NOXA1: variants seen among roughly 807,000 people sequenced by gnomAD.
NOXA1 encodes NCF2-like protein.
In NOXA1, 56 loss-of-function variants were observed where a neutral mutation model predicts 64.8. That is an observed-to-expected ratio of 0.86 (90% CI 0.70 to 1.08). NOXA1 has a LOEUF of 1.08. Among genes scored for constraint, NOXA1 ranks in the 50% least tolerant of loss-of-function variants. The pLI, the probability that NOXA1 is intolerant of heterozygous loss-of-function variation, is 0.00. For missense variants in NOXA1, 668 were observed against 658.5 expected (o/e 1.01, Z -0.16); for synonymous variants, 295 against 294.8 (o/e 1.00, Z -0.01).
In NOXA1 at chr9:137,427,920, G is replaced by A. The variant is rs893526989; in HGVS notation, c.261-113G>A. ...CTAGGCACCGCACTGCCCTCCCTCA[G>A]GTCTCCTTGGAACCAGGTGTTGGGG... On this transcript the variant is annotated intron_variant, in intron 2 of 13. Coordinates refer to ENST00000683555, the MANE Select transcript of NOXA1 (RefSeq NM_001256067.2). 5.8e-6 allele frequency: 4 copies of A among 692,990 alleles called. No individual in the cohort carries two copies. The East Asian group carries it at 8.2e-5, about 14-fold the overall frequency. 42.9% of individuals were successfully genotyped at this position (692,990 alleles called of 1,614,324 possible). A position where few individuals can be genotyped will look rare whatever the true frequency, so the allele number is the denominator to read the frequency against.
At chr9:137,432,933 C>T in intron 8 of NOXA1, 96 bp from the exon 9 acceptor site, 1 of 1,362,812 alleles carries the variant, frequency 7.3e-7, no homozygotes, top group Non-Finnish European at 1.0e-6. Flanking sequence ...GCTGGCCGGG[C>T]ACACAGGCCA....
chr9:137,432,136 C>T (rs888581425), intron 8 of NOXA1, among the ~76,000 whole-genome samples: 10 of 152,040 alleles, frequency 6.6e-5, no homozygotes, highest in South Asian at 2.1e-4. Context: ...AAGTTACAAT[C>T]GAGGCCGGGC....
At chr9:137,424,133 C>T (rs1007170103) in intron 1 of NOXA1, among the ~76,000 whole-genome samples, 3 of 152,136 alleles carry the variant, frequency 2.0e-5, no homozygotes, top group African/African-American at 4.8e-5. Context: ...GCACGGAGCC[C>T]GGTGCCCTTC....
chr9:137,427,688 C>T (rs373658288), intron 2 of NOXA1, among the ~76,000 whole-genome samples: 3 of 152,182 alleles, frequency 2.0e-5, no homozygotes, highest in African/African-American at 7.2e-5. Context: ...GGAGGGGGAG[C>T]CCCCATGGGG....
chr9:137,424,933 T>C (rs1838784814), intron 1 of NOXA1, among the ~76,000 whole-genome samples: 1 of 152,130 alleles, frequency 6.6e-6, no homozygotes, highest in South Asian at 2.1e-4. Flanking sequence ...ATATGGGAAC[T>C]TAGGAAAGCA....
intron 11 of NOXA1, 29 bp from the exon 12 acceptor site, chr9:137,433,707 CAGGCCCCACCCAGG>C (rs2131896826): frequency 6.8e-7 from 1 of 1,479,822 alleles, no homozygotes; most frequent in South Asian, 1.3e-5. Flanking sequence ...GCCCTCCCTG[CAGGCCCCACCCAGG>C]AGGCCCCCTC....
intron 13 of NOXA1, 44 bp downstream of exon 13, chr9:137,434,123 G>A (rs771095936): frequency 1.9e-6 from 3 of 1,582,284 alleles, no homozygotes; most frequent in Non-Finnish European, 1.7e-6. Flanking sequence ...GTGGTGCCCG[G>A]GGTGTGGGGG....
chr9:137,425,027 G>A (rs1233539354), intron 1 of NOXA1, among the ~76,000 whole-genome samples: 1 of 152,254 alleles, frequency 6.6e-6, no homozygotes, highest in East Asian at 1.9e-4. Flanking sequence ...GCTGTCTCTT[G>A]TTAGGAGCCT....
Position 137,427,968 on chromosome 9 carries a change from G to A in NOXA1, c.261-65G>A, listed in dbSNP as rs1838910100. ...GGGGCGGCTCGAGCGGGGCTGGTGT[G>A]AAAGCTGCCTAACCACAGCCCCATC... On this transcript the variant is annotated intron_variant, in intron 2 of 13. Transcript: ENST00000683555. 3 of 1,180,334 alleles carry A rather than the reference G, an allele frequency of 2.5e-6. No homozygotes were observed. In the African/African-American group the frequency reaches 4.5e-5, roughly 18 times the overall value. 73.1% of individuals were successfully genotyped at this position (1,180,334 alleles called of 1,614,324 possible).
rs1385450149 is a variant in NOXA1 at position 137,433,784 on chromosome 9, C to T, written c.1099C>T (p.Pro367Ser). 3.4e-6 allele frequency: 5 copies of T among 1,454,838 alleles called. No individual in the cohort carries two copies. Among genetic ancestry groups the T allele is most frequent in the Non-Finnish European group, 4.5e-6 (5 of 1,100,190 alleles). The allele number at this position is 1,454,838 out of a possible 1,614,324, so 90.1% of individuals were successfully genotyped here. A position where few individuals can be genotyped will look rare whatever the true frequency, so the allele number is the denominator to read the frequency against. ...LAPGEDGHWV[P>S]IPEEESLQRA... is the part of the protein sequence containing the mutation. Reference sequence around the variant, plus strand: ...CCCAGGTGAGGACGGGCACTGGGTCCCCATCCCCGAGGAGGAGTCGCTGCA... The same window carrying T: ...CCCAGGTGAGGACGGGCACTGGGTCTCCATCCCCGAGGAGGAGTCGCTGCA... The change falls in exon 12 of 14, where the codon CCC (proline) becomes TCC (serine). Residue 367 changes from proline (P) to serine (S), a missense_variant. Physicochemically the swap from Pro to Ser is moderately conservative, Grantham distance 74. Coordinates refer to ENST00000683555, the MANE Select transcript of NOXA1 (RefSeq NM_001256067.2).
At position 137,431,458 on chromosome 9, in the gene NOXA1, A is replaced by C. The variant is rs1839107518; in HGVS notation, c.804+117A>C. 2 of 836,780 alleles carry C rather than the reference A, an allele frequency of 2.4e-6. No homozygotes were observed. Among genetic ancestry groups the C allele is most frequent in the East Asian group, 2.7e-5 (1 of 37,426 alleles). The allele number at this position is 836,780 out of a possible 1,614,324, so 51.8% of individuals were successfully genotyped here. On this transcript the variant is annotated intron_variant, in intron 8 of 13. Transcript: ENST00000683555. The surrounding 1 kb of genome is among the most constrained non-coding windows in gnomAD (Gnocchi z 5.6). ...GAGGGAGCAGCTCGCTGGGGGGTAG[A>C]CGGGGCCGGGCTCACCCGTGGTCCT...
intron 3 of NOXA1, among the ~76,000 whole-genome samples, chr9:137,428,664 G>A (rs991874544): frequency 2.7e-5 from 4 of 148,350 alleles, no homozygotes; most frequent in South Asian, 2.2e-4. Flanking sequence ...GGGAGGGGCC[G>A]GGTGGGGGGA....
At position 137,431,057 on chromosome 9, in the gene NOXA1, G is replaced by A; in HGVS notation, c.673-18G>A. 1 of 1,613,294 alleles carries A rather than the reference G, an allele frequency of 6.2e-7. No homozygotes were observed. Among genetic ancestry groups the A allele is most frequent in the South Asian group, 1.1e-5 (1 of 91,090 alleles). ...CCCGACCCTTAACCAGAGCGAGGTT[G>A]TTGCTTTGTGTCCACAGGGACCAGG... On this transcript the variant is annotated intron_variant, in intron 6 of 13. Coordinates refer to ENST00000683555, the MANE Select transcript of NOXA1 (RefSeq NM_001256067.2). This position sits in a 1 kb window ranked among gnomAD's most constrained non-coding sequence, Gnocchi z 5.6.
In NOXA1 at chr9:137,434,083, G is replaced by T; in HGVS notation, c.1294+4G>T. ...ACGGTGGACGTCCTGTGTGAAGGTAGGGTGGGCATGGCCCTTCCCAGGCAG... is the reference window on the plus strand; with the variant it reads ...ACGGTGGACGTCCTGTGTGAAGGTATGGTGGGCATGGCCCTTCCCAGGCAG... On this transcript the variant is annotated splice_donor_region_variant and intron_variant, in intron 13 of 13. Coordinates refer to ENST00000683555, the MANE Select transcript of NOXA1 (RefSeq NM_001256067.2). The T allele has an allele frequency of 2.5e-6, 4 of 1,583,928 alleles. No homozygotes were observed. Among genetic ancestry groups the T allele is most frequent in the Non-Finnish European group, 3.4e-6 (4 of 1,169,590 alleles).
chr9:137,428,756 G>A (rs1838953102), intron 3 of NOXA1, 126 bp from the exon 4 acceptor site: 2 of 863,236 alleles, frequency 2.3e-6, no homozygotes, highest in Admixed American at 6.6e-5. Flanking sequence ...GGATGGGGGA[G>A]GGGCCAGGTG....
intron 1 of NOXA1, 42 bp downstream of exon 1, chr9:137,423,748 C>T: frequency 8.1e-7 from 1 of 1,229,170 alleles, no homozygotes; most frequent in Non-Finnish European, 1.0e-6. Context: ...GACGCCTCCG[C>T]CTCGAGCCCC....
Position 137,433,263 on chromosome 9 carries a change from G to T in NOXA1, c.909G>T (p.Gly303=). Residue 303 remains glycine (G), a splice_region_variant and synonymous_variant, in exon 10 of 14, where the codon GGG becomes GGT. Transcript: ENST00000683555. ...CCTGTGAGGACCCCGCGGGTGCTGG[G>T]GTAAGAGGCTCTAGACCCTTCACCT... ...PGPCEDPAGA[G]GAGAGGSEPL... is the part of the protein sequence containing the mutation. 1 of 1,584,704 alleles carries T rather than the reference G, an allele frequency of 6.3e-7. No individual in the cohort carries two copies. Among genetic ancestry groups the T allele is most frequent in the Non-Finnish European group, 8.6e-7 (1 of 1,167,530 alleles).
At chr9:137,433,357 C>G (rs1839203489) in intron 10 of NOXA1, 94 bp downstream of exon 10, 2 of 1,491,746 alleles carry the variant, frequency 1.3e-6, no homozygotes, top group Non-Finnish European at 8.9e-7. Flanking sequence ...GCCCCCCTCA[C>G]CTGCCCAGTC....
chr9:137,424,824 G>C (rs781162786), intron 1 of NOXA1, among the ~76,000 whole-genome samples: 1 of 152,156 alleles, frequency 6.6e-6, no homozygotes, highest in Admixed American at 6.5e-5. Context: ...CCTATGTCCG[G>C]GGCTAACCCA....
Sources: allele counts gnomAD v4.1 joint callset (sites outside exome capture counted in the v4.1 genomes callset), GRCh38; gene constraint gnomAD v4.1.1; non-coding constraint Gnocchi (gnomAD v3.1); transcripts MANE v1.5; gene names NCBI Gene and HGNC (gene_info 2026-07-23, HGNC 2026-07-21).